RCOR1: variants seen among roughly 807,000 people sequenced by gnomAD.
RCOR1 encodes REST corepressor.
RCOR1 carries 12 observed loss-of-function variants against 64.0 expected under a neutral mutation model. The observed-to-expected ratio is 0.19, with a 90% CI of 0.12 to 0.30. The LOEUF is 0.30. RCOR1 is among the 10% of genes least tolerant of loss of function. The pLI, the probability that RCOR1 is intolerant of heterozygous loss-of-function variation, is 1.00. For missense variants in RCOR1, 502 were observed against 621.2 expected (o/e 0.81, Z 2.04); for synonymous variants, 279 against 227.2 (o/e 1.23, Z -2.05).
intron 4 of RCOR1, among the ~76,000 whole-genome samples, chr14:102,705,411 A>G (rs1011352761): frequency 6.6e-6 from 1 of 152,138 alleles, no homozygotes; most frequent in South Asian, 2.1e-4. Flanking sequence ...TAAAGGTGTA[A>G]TGTGCAACTT....
chr14:102,721,853 C>CA (rs1383795806), intron 10 of RCOR1, among the ~76,000 whole-genome samples: 3 of 152,142 alleles, frequency 2.0e-5, no homozygotes, highest in Admixed American at 6.5e-5. Context: ...AAGAAGCAGA[C>CA]AGAGTGTTCA....
intron 2 of RCOR1, among the ~76,000 whole-genome samples, chr14:102,676,150 T>G (rs1289937457): frequency 6.6e-6 from 1 of 150,986 alleles, no homozygotes; most frequent in Non-Finnish European, 1.5e-5. Flanking sequence ...TTCTCAATTT[T>G]TTCCCCACCC....
rs757868812 is a variant in RCOR1 at position 102,593,254 on chromosome 14, C to T, written c.302-12C>T. 8.6e-6 allele frequency: 13 copies of T among 1,517,046 alleles called. No individual in the cohort carries two copies. Among genetic ancestry groups the T allele is most frequent in the East Asian group, 2.8e-5 (1 of 36,058 alleles). 94.0% of individuals were successfully genotyped at this position (1,517,046 alleles called of 1,614,324 possible). A position where few individuals can be genotyped will look rare whatever the true frequency, so the allele number is the denominator to read the frequency against. ...GCGCCGCGCTGACCGCCGTATTCTG[C>T]TTCCCCCGCAGGTGGCGGTGGCATG... On this transcript the variant is annotated splice_polypyrimidine_tract_variant and intron_variant, in intron 1 of 11. Coordinates refer to ENST00000262241, the MANE Select transcript of RCOR1 (RefSeq NM_015156.4).
chr14:102,690,616 A>G (rs998123172), intron 3 of RCOR1, among the ~76,000 whole-genome samples: 2 of 152,088 alleles, frequency 1.3e-5, no homozygotes, highest in African/African-American at 4.8e-5. Context: ...AAATAATAAT[A>G]ACACAAAAAA....
intron 4 of RCOR1, among the ~76,000 whole-genome samples, chr14:102,702,470 A>G (rs1391608317): frequency 1.3e-5 from 2 of 150,060 alleles, no homozygotes; most frequent in African/African-American, 2.4e-5. Flanking sequence ...AGACCTTTAT[A>G]TATCATATAT....
intron 2 of RCOR1, among the ~76,000 whole-genome samples, chr14:102,652,068 T>G (rs143005188): frequency 1.8e-4 from 28 of 152,356 alleles, no homozygotes; most frequent in South Asian, 1.0e-3. Context: ...GCTTTAGATA[T>G]GAGCCTTGTA....
At chr14:102,598,515 C>T (rs946110391) in intron 2 of RCOR1, among the ~76,000 whole-genome samples, 39 of 149,322 alleles carry the variant, frequency 2.6e-4, no homozygotes, top group Middle Eastern at 3.5e-3. Context: ...TGGTGTAATC[C>T]GGGCTCACTG....
At chr14:102,644,944 A>G (rs933675622) in intron 2 of RCOR1, among the ~76,000 whole-genome samples, 1 of 152,122 alleles carries the variant, frequency 6.6e-6, no homozygotes, top group Non-Finnish European at 1.5e-5. Flanking sequence ...GCTGATTTTT[A>G]TAGCTGAGTA....
intron 2 of RCOR1, among the ~76,000 whole-genome samples, chr14:102,630,255 C>T (rs1894082608): frequency 6.6e-6 from 1 of 152,176 alleles, no homozygotes; most frequent in Non-Finnish European, 1.5e-5. Context: ...CTTGCTGCTT[C>T]TCTGGCCATG....
chr14:102,693,607 C>G (rs1189788738), intron 3 of RCOR1, among the ~76,000 whole-genome samples: 1 of 151,314 alleles, frequency 6.6e-6, no homozygotes, highest in Non-Finnish European at 1.5e-5. Flanking sequence ...CTCTCATACT[C>G]AGTCTCACAA....
chr14:102,630,318 C>T (rs550642552), intron 2 of RCOR1, among the ~76,000 whole-genome samples: 2 of 152,154 alleles, frequency 1.3e-5, no homozygotes, highest in African/African-American at 2.4e-5. Context: ...GTGGAAGCAG[C>T]CTGAGGCTTT....
At chr14:102,632,697 CTTTCCTTTCCT>C (rs1182038119) in intron 2 of RCOR1, among the ~76,000 whole-genome samples, 32 of 91,134 alleles carry the variant, frequency 3.5e-4, no homozygotes, top group Middle Eastern at 7.0e-3. Flanking sequence ...TTTCCTTTTC[CTTTCCTTTCCT>C]TTTCCTTTCC....
At chr14:102,598,983 C>T (rs756720676) in intron 2 of RCOR1, among the ~76,000 whole-genome samples, 1 of 152,022 alleles carries the variant, frequency 6.6e-6, no homozygotes, top group Non-Finnish European at 1.5e-5. Flanking sequence ...GCAGATTATG[C>T]TGAGTTGTCA....
At chr14:102,646,447 A>G (rs1595210676) in intron 2 of RCOR1, among the ~76,000 whole-genome samples, 1 of 152,246 alleles carries the variant, frequency 6.6e-6, no homozygotes, top group East Asian at 1.9e-4. Flanking sequence ...TGAAGAGCTA[A>G]GAGAAAATGC....
At chr14:102,610,764 C>T (rs1040164795) in intron 2 of RCOR1, among the ~76,000 whole-genome samples, 1 of 152,022 alleles carries the variant, frequency 6.6e-6, no homozygotes, top group African/African-American at 2.4e-5. Context: ...CCGTATTAGC[C>T]AGGATGGTCT....
At position 102,730,199 on chromosome 14, in the gene RCOR1, A is replaced by G. The variant is rs1896344799; in HGVS notation, c.*3693A>G. ...ATTAGGTAGACTTATCGACTTTGCT[A>G]AGTGCTTTTTAGACAGCTTAAAAAA... On this transcript the variant is annotated 3_prime_UTR_variant, in exon 12 of 12. Transcript: ENST00000262241. 2.5e-6 allele frequency: 1 copy of G among 396,218 alleles called. No individual in the cohort carries two copies. Among genetic ancestry groups the G allele is most frequent in the East Asian group, 3.6e-5 (1 of 27,974 alleles). The allele number at this position is 396,218 out of a possible 1,614,324, so 24.5% of individuals were successfully genotyped here.
At chr14:102,643,716 T>A (rs554233326) in intron 2 of RCOR1, among the ~76,000 whole-genome samples, 1 of 152,186 alleles carries the variant, frequency 6.6e-6, no homozygotes, top group Admixed American at 6.5e-5. Flanking sequence ...AAGTTTACTT[T>A]TGGTAGAGTT....
chr14:102,635,806 G>A (rs556917023), intron 2 of RCOR1, among the ~76,000 whole-genome samples: 1 of 152,242 alleles, frequency 6.6e-6, no homozygotes, highest in East Asian at 1.9e-4. Context: ...CCCAAATTGA[G>A]CCAGGCGTGG....
chr14:102,639,872 G>A, intron 2 of RCOR1, among the ~76,000 whole-genome samples: 1 of 148,780 alleles, frequency 6.7e-6, no homozygotes, highest in Non-Finnish European at 1.5e-5. Flanking sequence ...TCATGAGACG[G>A]AGTCTCGCTC....
Sources: allele counts gnomAD v4.1 joint callset (sites outside exome capture counted in the v4.1 genomes callset), GRCh38; gene constraint gnomAD v4.1.1; transcripts MANE v1.5; gene names NCBI Gene and HGNC (gene_info 2026-07-23, HGNC 2026-07-21).